NBEA: variants seen among roughly 807,000 people sequenced by gnomAD.
NBEA encodes the protein neurobeachin.
Under a neutral mutation model 343.4 loss-of-function variants are expected in NBEA, and 44 were observed. The observed-to-expected ratio is 0.13, with a 90% CI of 0.10 to 0.16. NBEA has a LOEUF of 0.16. Among genes scored for constraint, NBEA ranks in the 10% least tolerant of loss-of-function variants. The pLI is 1.00. For missense variants in NBEA, 2,555 were observed against 3,631.3 expected (o/e 0.70, Z 7.62); for synonymous variants, 1,175 against 1,238.7 (o/e 0.95, Z 1.08).
At chr13:35,603,998 T>C (rs1271707468) in intron 47 of NBEA, among the ~76,000 whole-genome samples, 4 of 152,178 alleles carry the variant, frequency 2.6e-5, no homozygotes, top group Non-Finnish European at 5.9e-5. Context: ...TAATATGCAT[T>C]TCTGATTGGA....
In NBEA at chr13:35,309,617, A is replaced by G. The variant is rs373035501; in HGVS notation, c.5903+25A>G. 3.6e-6 allele frequency: 5 copies of G among 1,405,838 alleles called. No homozygotes were observed. In the African/African-American group the frequency reaches 7.2e-5, roughly 20 times the overall value. The allele number at this position is 1,405,838 out of a possible 1,614,324, so 87.1% of individuals were successfully genotyped here. ...GGTAATTAATTTTACAATTTTAGAC[A>G]ACTAGTCAGTGTACATTTTATTCCA... On this transcript the variant is annotated intron_variant, in intron 36 of 58. Transcript: ENST00000379939.
chr13:35,629,884 T>A (rs1158623446), intron 49 of NBEA, among the ~76,000 whole-genome samples: 1 of 152,202 alleles, frequency 6.6e-6, no homozygotes, highest in Non-Finnish European at 1.5e-5. Context: ...TAGTTCATCC[T>A]TATATTCTAA....
chr13:35,413,226 C>T (rs2043697336), intron 38 of NBEA, among the ~76,000 whole-genome samples: 1 of 152,014 alleles, frequency 6.6e-6, no homozygotes, highest in South Asian at 2.1e-4. Flanking sequence ...AGAGGATAAC[C>T]ATTTGTAACT....
At chr13:35,347,886 C>G (rs2039975586) in intron 36 of NBEA, among the ~76,000 whole-genome samples, 1 of 152,022 alleles carries the variant, frequency 6.6e-6, no homozygotes, top group African/African-American at 2.4e-5. Flanking sequence ...AGAGCCCGAG[C>G]AATTCTGTGC....
chr13:35,481,862 A>G (rs1055467717), intron 41 of NBEA, among the ~76,000 whole-genome samples: 1 of 151,888 alleles, frequency 6.6e-6, no homozygotes, highest in Admixed American at 6.6e-5. Flanking sequence ...CTACATTTTT[A>G]GTACTCTTAA....
intron 1 of NBEA, among the ~76,000 whole-genome samples, chr13:35,015,265 G>A (rs2061618925): frequency 1.3e-5 from 2 of 150,850 alleles, no homozygotes; most frequent in African/African-American, 4.9e-5. Flanking sequence ...CAGATAATAA[G>A]ATAATTGAAA....
At chr13:35,510,567 C>A (rs7993459) in intron 41 of NBEA, among the ~76,000 whole-genome samples, 127,774 of 152,050 alleles carry the variant, frequency 0.84, 53,872 homozygotes, top group Middle Eastern at 0.87. Context: ...GATTTTTTAC[C>A]GTATTACACG....
At chr13:35,426,253 T>TA (rs1181991324) in intron 38 of NBEA, among the ~76,000 whole-genome samples, 1 of 152,224 alleles carries the variant, frequency 6.6e-6, no homozygotes, top group African/African-American at 2.4e-5. Context: ...CGATGTTCGT[T>TA]ACAATTTGGC....
intron 10 of NBEA, among the ~76,000 whole-genome samples, chr13:35,087,021 A>G (rs1227232325): frequency 6.6e-6 from 1 of 151,208 alleles, no homozygotes; most frequent in African/African-American, 2.4e-5. Flanking sequence ...GAGTTGTTTG[A>G]GTTCCTTGTA....
chr13:35,447,154 G>A (rs1012492881), intron 39 of NBEA, among the ~76,000 whole-genome samples: 17 of 151,964 alleles, frequency 1.1e-4, no homozygotes, highest in Non-Finnish European at 2.5e-4. Context: ...TAATTTCTTT[G>A]CCTTGATCCT....
At chr13:35,070,948 G>A in intron 10 of NBEA, 96 bp downstream of exon 10, 1 of 1,345,986 alleles carries the variant, frequency 7.4e-7, no homozygotes, top group Non-Finnish European at 9.8e-7. Flanking sequence ...TACAGTATTT[G>A]GGTTCTGCCC....
intron 52 of NBEA, among the ~76,000 whole-genome samples, chr13:35,651,407 C>T (rs1243704153): frequency 6.6e-6 from 1 of 152,102 alleles, no homozygotes; most frequent in Non-Finnish European, 1.5e-5. Flanking sequence ...TCATTGATTT[C>T]TGCTTCCTGT....
intron 39 of NBEA, among the ~76,000 whole-genome samples, chr13:35,446,032 G>A (rs563006696): frequency 6.7e-6 from 1 of 148,602 alleles, no homozygotes; most frequent in Admixed American, 6.8e-5. Flanking sequence ...TGTTCTCATT[G>A]TTCAATTCCC....
chr13:35,165,127 G>C (rs761225009), intron 24 of NBEA: 1 of 533,594 alleles, frequency 1.9e-6, no homozygotes, highest in Non-Finnish European at 3.9e-6. Context: ...TCATCCTTAA[G>C]CTCAGAAAGC....
At chr13:35,298,822 G>A (rs947052754) in intron 35 of NBEA, among the ~76,000 whole-genome samples, 1 of 151,418 alleles carries the variant, frequency 6.6e-6, no homozygotes, top group Non-Finnish European at 1.5e-5. Flanking sequence ...CTATTATATC[G>A]GTAATCTTCT....
chr13:35,472,636 A>G, intron 41 of NBEA, 100 bp downstream of exon 41: 1 of 1,152,262 alleles, frequency 8.7e-7, no homozygotes. Context: ...AGGGGAGCAC[A>G]TTCTCCTCTT....
At chr13:35,164,997 C>A in intron 24 of NBEA, 1 of 477,744 alleles carries the variant, frequency 2.1e-6, no homozygotes, top group South Asian at 1.6e-5. Context: ...TTTTAGTTGT[C>A]ATTAAAAACA....
At chr13:35,571,832 T>A (rs1354203241) in intron 45 of NBEA, among the ~76,000 whole-genome samples, 1 of 152,216 alleles carries the variant, frequency 6.6e-6, no homozygotes, top group African/African-American at 2.4e-5. Flanking sequence ...ACTAAGGTTA[T>A]ATTAAATGTT....
intron 17 of NBEA, among the ~76,000 whole-genome samples, chr13:35,138,264 G>A (rs564586954): frequency 6.6e-6 from 1 of 152,016 alleles, no homozygotes; most frequent in South Asian, 2.1e-4. Context: ...ACATATTTTT[G>A]GAGGTCAGTT....
Sources: gnomAD v4.1 joint callset for allele counts (sites outside exome capture counted in the v4.1 genomes callset) on GRCh38, gnomAD v4.1.1 for gene constraint, MANE v1.5 for transcripts, NCBI Gene and HGNC (gene_info 2026-07-23, HGNC 2026-07-21) for gene names.